Variants in GPA33 observed in about 807,000 individuals in gnomAD.
GPA33 encodes cell surface A33 antigen.
GPA33 carries 27 observed loss-of-function variants against 35.6 expected under a neutral mutation model. The ratio of observed to expected loss-of-function variants is 0.76; its 90% confidence interval spans 0.56 to 1.04. The LOEUF (loss-of-function observed/expected upper bound fraction) is 1.04. GPA33 is among the 50% of genes least tolerant of loss of function. The pLI, the probability that GPA33 is intolerant of heterozygous loss-of-function variation, is 0.00. For missense variants in GPA33, 428 were observed against 411.9 expected (o/e 1.04, Z -0.34); for synonymous variants, 176 against 164.0 (o/e 1.07, Z -0.56).
chr1:167,089,742 C>T (rs1237037764), intron 1 of GPA33, among the ~76,000 whole-genome samples: 1 of 152,074 alleles, frequency 6.6e-6, no homozygotes, highest in African/African-American at 2.4e-5. Context: ...TTGGAAAAGA[C>T]CCATCTAGTT....
chr1:167,069,121 C>T lies in GPA33; in HGVS notation c.216G>A (p.Trp72Ter), dbSNP rs201242538. The part of the protein sequence containing the change: ...LLTHTERVVI[W>*]PFSNKNYIHG... ...GGATGTAGTTTTTGTTTGAAAACGG[C>T]CAGATGACCACCCTTTCCTGGAGAG... The change falls in exon 3 of 7, where the codon TGG becomes TGA. Residue 72 changes from tryptophan to a stop codon, truncating the protein, a stop_gained. Coordinates refer to ENST00000367868, the MANE Select transcript of GPA33 (RefSeq NM_005814.3). LOFTEE classifies it high-confidence loss of function. The T allele has an allele frequency of 1.2e-6, 2 of 1,612,656 alleles. No individual in the cohort carries two copies. Among genetic ancestry groups the T allele is most frequent in the Non-Finnish European group, 1.7e-6 (2 of 1,178,776 alleles).
intron 2 of GPA33, among the ~76,000 whole-genome samples, chr1:167,072,655 A>C (rs1306618317): frequency 6.6e-6 from 1 of 152,230 alleles, no homozygotes; most frequent in African/African-American, 2.4e-5. Context: ...TTCATGGTAC[A>C]TATAGTACCT....
intron 4 of GPA33, 57 bp from the exon 5 acceptor site, chr1:167,055,906 C>T: frequency 6.3e-7 from 1 of 1,597,302 alleles, no homozygotes; most frequent in Non-Finnish European, 8.6e-7. Flanking sequence ...TGGAGACAGC[C>T]AGGAATGGGA....
rs375886704 is a variant in GPA33, at chr1:167,074,776, A to G, written c.44-1237T>C. ...AGTGAGGAGGAGAGATGAAATGGAA[A>G]AGTTGTGGGGGTGGGGGTGGTCTCA... On this transcript the variant is annotated intron_variant, in intron 1 of 6. Transcript: ENST00000367868. Among the ~76,000 whole-genome samples the G allele has an allele frequency of 3.6e-4, 54 of 150,082 alleles. 2 individuals carry two copies. The South Asian group carries it at 0.011, about 31-fold the overall frequency.
chr1:167,073,252 C>G (rs1666756013), intron 2 of GPA33, 133 bp downstream of exon 2: 1 of 725,920 alleles, frequency 1.4e-6, no homozygotes, highest in Non-Finnish European at 2.3e-6. Context: ...CTGCTCCCTC[C>G]CCACCCACTC....
chr1:167,054,268 A>G lies in GPA33; in HGVS notation c.*66T>C, dbSNP rs991073953. On this transcript the variant is annotated 3_prime_UTR_variant, in exon 7 of 7. Coordinates refer to ENST00000367868, the MANE Select transcript of GPA33 (RefSeq NM_005814.3). ...AGGAGAACAGGGCTTAGAAAGGAGA[A>G]GGGAGGCCAGGAAGCGGGAGAATGA... 3 of 1,588,282 alleles carry G rather than the reference A, an allele frequency of 1.9e-6. No individual in the cohort carries two copies. Among genetic ancestry groups the G allele is most frequent in the Non-Finnish European group, 2.6e-6 (3 of 1,163,104 alleles).
intron 4 of GPA33, among the ~76,000 whole-genome samples, chr1:167,061,160 G>A (rs747968408): frequency 1.3e-5 from 2 of 152,206 alleles, no homozygotes; most frequent in Non-Finnish European, 2.9e-5. Flanking sequence ...CGAGCCAGGA[G>A]TCAAGCCCAT....
intron 1 of GPA33, among the ~76,000 whole-genome samples, chr1:167,076,325 T>A (rs1275978053): frequency 2.6e-5 from 4 of 152,112 alleles, no homozygotes; most frequent in African/African-American, 9.7e-5. Context: ...GTCTACCCAC[T>A]GTAACAGGAT....
In GPA33 at chr1:167,069,227, T is replaced by A. The variant is rs948143506; in HGVS notation, c.199-89A>T. ...GCCCTGACTACCCTCATCCCCCAGT[T>A]TCCAGGGCCCAGAAGCACAGACCTG... On this transcript the variant is annotated intron_variant, in intron 2 of 6. Transcript: ENST00000367868. 34 of 818,798 alleles carry A rather than the reference T, an allele frequency of 4.2e-5. No individual in the cohort carries two copies. The Admixed American group carries it at 6.3e-4, about 15-fold the overall frequency. The allele number at this position is 818,798 out of a possible 1,614,324, so 50.7% of individuals were successfully genotyped here.
At chr1:167,068,214 G>T (rs951984604) in intron 3 of GPA33, among the ~76,000 whole-genome samples, 2 of 152,138 alleles carry the variant, frequency 1.3e-5, no homozygotes, top group Admixed American at 1.3e-4. Flanking sequence ...CCCAGCAGTG[G>T]TGCCATTTCT....
intron 1 of GPA33, among the ~76,000 whole-genome samples, chr1:167,075,927 C>T (rs1377337787): frequency 6.6e-6 from 1 of 152,118 alleles, no homozygotes; most frequent in African/African-American, 2.4e-5. Flanking sequence ...CATGTTCAAC[C>T]AGGGACCTGA....
At chr1:167,086,521 CCCACA>C (rs1191188656) in intron 1 of GPA33, among the ~76,000 whole-genome samples, 1 of 152,208 alleles carries the variant, frequency 6.6e-6, no homozygotes, top group African/African-American at 2.4e-5. Flanking sequence ...CAGGGACCAA[CCCACA>C]CCTGTGTGAT....
At chr1:167,057,578 C>A (rs566171199) in intron 4 of GPA33, among the ~76,000 whole-genome samples, 1 of 152,304 alleles carries the variant, frequency 6.6e-6, no homozygotes, top group African/African-American at 2.4e-5. Context: ...CTGGCCCTGT[C>A]AATCATACCA....
At chr1:167,056,720 A>C (rs879081075) in intron 4 of GPA33, among the ~76,000 whole-genome samples, 31 of 3,786 alleles carry the variant, frequency 8.2e-3, no homozygotes, top group Admixed American at 0.015. Context: ...GTGTGTGTGT[A>C]GTGTGTGATG....
At chr1:167,058,828 T>G (rs1410443887) in intron 4 of GPA33, among the ~76,000 whole-genome samples, 1 of 152,254 alleles carries the variant, frequency 6.6e-6, no homozygotes, top group East Asian at 1.9e-4. Flanking sequence ...ACAATGCTGT[T>G]GAGCACTGGG....
At chr1:167,056,815 G>GAGGGGTGTGT (rs1558002165) in intron 4 of GPA33, among the ~76,000 whole-genome samples, 19 of 89,076 alleles carry the variant, frequency 2.1e-4, no homozygotes, top group South Asian at 7.3e-4. Flanking sequence ...GTGTGTATGT[G>GAGGGGTGTGT]GCAGCGTTTG....
At chr1:167,054,846 G>T in intron 6 of GPA33, 130 bp downstream of exon 6, 19 of 1,051,530 alleles carry the variant, frequency 1.8e-5, no homozygotes, top group Admixed American at 4.1e-5. Flanking sequence ...ACAGGTCATT[G>T]TTTCATCAGC....
In GPA33 at chr1:167,069,104, T is replaced by C; in HGVS notation, c.233A>G (p.Asn78Ser). 6.2e-7 allele frequency: 1 copy of C among 1,613,800 alleles called. No individual in the cohort carries two copies. Among genetic ancestry groups the C allele is most frequent in the Non-Finnish European group, 8.5e-7 (1 of 1,179,784 alleles). ...RVVIWPFSNK[N>S]YIHGELYKNR... ...CTTATAAAGCTCACCATGGATGTAG[T>C]TTTTGTTTGAAAACGGCCAGATGAC... The change falls in exon 3 of 7, where the codon AAC (asparagine) becomes AGC (serine). Residue 78 changes from asparagine (N) to serine (S), a missense_variant. Coordinates refer to ENST00000367868, the MANE Select transcript of GPA33 (RefSeq NM_005814.3).
intron 1 of GPA33, among the ~76,000 whole-genome samples, chr1:167,083,056 G>T (rs1431798349): frequency 1.3e-5 from 2 of 152,110 alleles, no homozygotes; most frequent in Non-Finnish European, 2.9e-5. Flanking sequence ...GGCTTGAGGG[G>T]CAACTGAACT....
Sources: allele counts gnomAD v4.1 joint callset (sites outside exome capture counted in the v4.1 genomes callset), GRCh38; gene constraint gnomAD v4.1.1; transcripts MANE v1.5; gene names NCBI Gene and HGNC (gene_info 2026-07-23, HGNC 2026-07-21).